Variants in TRIP12 observed in about 807,000 individuals in gnomAD.
TRIP12 encodes thyroid hormone receptor interactor 12.
Under a neutral mutation model 244.2 loss-of-function variants are expected in TRIP12, and 25 were observed. That is an observed-to-expected ratio of 0.10 (90% CI 0.07 to 0.14). The LOEUF (loss-of-function observed/expected upper bound fraction) is 0.14, where lower values mean the gene tolerates loss of function less well. Ranked by LOEUF, TRIP12 falls within the 10% of genes least tolerant of loss-of-function variation. The probability of loss-of-function intolerance (pLI) is 1.00; values close to 1 mark genes in which losing one functional copy is unlikely to be tolerated. For missense variants in TRIP12, 1,677 were observed against 2,486.4 expected (o/e 0.67, Z 6.92); for synonymous variants, 905 against 873.1 (o/e 1.04, Z -0.64).
At position 229,818,262 on chromosome 2, in the gene TRIP12, T is replaced by C; in HGVS notation, c.1599+102A>G. 8.6e-6 allele frequency: 11 copies of C among 1,276,976 alleles called. No homozygotes were observed. In the Admixed American group the frequency reaches 2.2e-4, roughly 26 times the overall value. 79.1% of individuals were successfully genotyped at this position (1,276,976 alleles called of 1,614,324 possible). A position where few individuals can be genotyped will look rare whatever the true frequency, so the allele number is the denominator to read the frequency against. On this transcript the variant is annotated intron_variant, in intron 9 of 41. Coordinates refer to ENST00000675903, the MANE Select transcript of TRIP12 (RefSeq NM_001348323.3). Reference sequence around the variant, plus strand: ...ATATACTCCTCTCTTAACTCTATCATGTTTTAAAAATTAATAATGACAATA... The same window carrying C: ...ATATACTCCTCTCTTAACTCTATCACGTTTTAAAAATTAATAATGACAATA...
chr2:229,810,112 T>A (rs1281495212), intron 15 of TRIP12, among the ~76,000 whole-genome samples: 1 of 152,176 alleles, frequency 6.6e-6, no homozygotes, highest in African/African-American at 2.4e-5. Flanking sequence ...ATAATCCTAG[T>A]ACTATGGGAG....
intron 37 of TRIP12, among the ~76,000 whole-genome samples, chr2:229,776,204 A>T (rs1465469330): frequency 6.6e-6 from 1 of 152,170 alleles, no homozygotes; most frequent in East Asian, 1.9e-4. Context: ...AGTTGTTGGG[A>T]TTAAATAAAT....
At chr2:229,828,245 C>T (rs897350625) in intron 8 of TRIP12, among the ~76,000 whole-genome samples, 2 of 151,796 alleles carry the variant, frequency 1.3e-5, no homozygotes, top group African/African-American at 4.8e-5. Flanking sequence ...TGCTAGTCTA[C>T]GGTTTATATT....
At chr2:229,887,770 A>G (rs2066365427) in intron 1 of TRIP12, among the ~76,000 whole-genome samples, 1 of 152,238 alleles carries the variant, frequency 6.6e-6, no homozygotes, top group Non-Finnish European at 1.5e-5. Flanking sequence ...GAAATGCTAC[A>G]TCAGAGGCTT....
intron 4 of TRIP12, among the ~76,000 whole-genome samples, chr2:229,841,314 T>G (rs934082204): frequency 2.0e-5 from 3 of 152,238 alleles, no homozygotes; most frequent in Non-Finnish European, 4.4e-5. Context: ...ACTGTTCTTA[T>G]ATTGTCCCAT....
At chr2:229,892,421 T>A (rs1338293224) in intron 1 of TRIP12, among the ~76,000 whole-genome samples, 1 of 152,206 alleles carries the variant, frequency 6.6e-6, no homozygotes, top group Non-Finnish European at 1.5e-5. Flanking sequence ...ACCTATGTCT[T>A]GAGTCTGTTC....
At chr2:229,796,836 T>C in intron 24 of TRIP12, 54 bp from the exon 25 acceptor site, 4 of 1,449,036 alleles carry the variant, frequency 2.8e-6, no homozygotes, top group Non-Finnish European at 3.7e-6. Context: ...ACTTAAAAAA[T>C]ACACAACTCA....
chr2:229,837,817 G>A (rs1026435606), intron 5 of TRIP12, among the ~76,000 whole-genome samples: 3 of 152,018 alleles, frequency 2.0e-5, no homozygotes, highest in Non-Finnish European at 2.9e-5. Context: ...TAACATTTGG[G>A]AAAGATATTC....
At chr2:229,877,555 T>G (rs942737153) in intron 2 of TRIP12, among the ~76,000 whole-genome samples, 1 of 152,138 alleles carries the variant, frequency 6.6e-6, no homozygotes, top group East Asian at 1.9e-4. Flanking sequence ...AAAAAAAATT[T>G]TTTAATCTAC....
chr2:229,822,952 A>T (rs367560546), intron 8 of TRIP12, among the ~76,000 whole-genome samples: 25 of 152,238 alleles, frequency 1.6e-4, no homozygotes, highest in African/African-American at 5.8e-4. Flanking sequence ...AAAAGATTGA[A>T]GACAGCAGAA....
chr2:229,830,791 C>T lies in TRIP12; in HGVS notation c.1319G>A (p.Ser440Asn), dbSNP rs1189866842. ...TCCCATCTCGGAATCATCTGATTCA[C>T]TCTCCCCAGAGGTGGTCATGCCAAC... ...GAVGMTTSGE[S>N]ESDDSEMGRL... Residue 440 changes from serine (S) to asparagine (N), a missense_variant, in exon 7 of 42, where the codon AGT (serine) becomes AAT (asparagine). By Grantham distance (46) the Ser-to-Asn change is conservative. Coordinates refer to ENST00000675903, the MANE Select transcript of TRIP12 (RefSeq NM_001348323.3). 6.2e-7 allele frequency: 1 copy of T among 1,614,144 alleles called. No homozygotes were observed. Among genetic ancestry groups the T allele is most frequent in the East Asian group, 2.2e-5 (1 of 44,870 alleles).
chr2:229,889,070 T>C (rs1009782803), intron 1 of TRIP12, among the ~76,000 whole-genome samples: 6 of 152,066 alleles, frequency 3.9e-5, no homozygotes, highest in Admixed American at 2.0e-4. Context: ...AAAGAAAAGG[T>C]TGGGAATAAA....
intron 8 of TRIP12, among the ~76,000 whole-genome samples, chr2:229,827,928 A>G (rs937674560): frequency 6.6e-6 from 1 of 152,170 alleles, no homozygotes; most frequent in East Asian, 1.9e-4. Flanking sequence ...AGGGAAGCAA[A>G]AAGACTGGAC....
Position 229,876,521 on chromosome 2 carries a change from A to G in TRIP12, c.98+3461T>C, listed in dbSNP as rs371658620. The stretch of plus-strand genomic sequence containing the variant: ...ACTGAGCATATTATTGACTGGCTTA[A>G]ACTACATGAACTACAACAAGATTTG... On this transcript the variant is annotated intron_variant, in intron 2 of 41. Coordinates refer to ENST00000675903, the MANE Select transcript of TRIP12 (RefSeq NM_001348323.3). Among the ~76,000 whole-genome samples the G allele has an allele frequency of 1.1e-4, 17 of 152,334 alleles. No individual in the cohort carries two copies. The East Asian group carries it at 1.7e-3, about 16-fold the overall frequency.
intron 5 of TRIP12, among the ~76,000 whole-genome samples, chr2:229,837,384 C>T (rs1224186048): frequency 6.6e-6 from 1 of 152,082 alleles, no homozygotes; most frequent in Non-Finnish European, 1.5e-5. Flanking sequence ...CCTGTAACCC[C>T]AGCACTTTGG....
intron 31 of TRIP12, 42 bp downstream of exon 31, chr2:229,789,569 T>C: frequency 6.3e-7 from 1 of 1,593,830 alleles, no homozygotes. Context: ...AATTTATCAA[T>C]CACAGACCAT....
chr2:229,810,915 T>G lies in TRIP12; in HGVS notation c.2186A>C (p.Asn729Thr), dbSNP rs770793335. Reference sequence around the variant, plus strand: ...AAGTTGAACAGCTAAAGTTGGACAGTTGGAACACATCAGAGAAAACATGCG... The same window carrying G: ...AAGTTGAACAGCTAAAGTTGGACAGGTGGAACACATCAGAGAAAACATGCG... ...VVRMFSLMCS[N>T]CPTLAVQLMK... Residue 729 changes from asparagine to threonine, a missense_variant, in exon 15 of 42, where the codon AAC becomes ACC. Asn to Thr is a moderately conservative substitution (Grantham distance 65). This residue lies in a region of TRIP12 where 572 missense variants were observed against 867.8 expected (regional missense o/e 0.66). Transcript: ENST00000675903. 3 of 1,614,052 alleles carry G rather than the reference T, an allele frequency of 1.9e-6. No homozygotes were observed. The highest frequency in any genetic ancestry group is 2.5e-6 in the Non-Finnish European group (3 of 1,179,964).
intron 1 of TRIP12, among the ~76,000 whole-genome samples, chr2:229,891,664 T>C (rs1176776854): frequency 6.6e-6 from 1 of 152,162 alleles, no homozygotes; most frequent in African/African-American, 2.4e-5. Flanking sequence ...AATAACTATT[T>C]TTCTAGTATC....
chr2:229,847,987 T>C (rs1189922584), intron 4 of TRIP12, among the ~76,000 whole-genome samples: 1 of 152,202 alleles, frequency 6.6e-6, no homozygotes, highest in East Asian at 1.9e-4. Flanking sequence ...CCTCCATCTG[T>C]GGCCTCTTCT....
Sources: gnomAD v4.1 joint callset for allele counts (sites outside exome capture counted in the v4.1 genomes callset) on GRCh38, gnomAD v4.1.1 for gene constraint, gnomAD v4.1.1 regional missense constraint, MANE v1.5 for transcripts, NCBI Gene and HGNC (gene_info 2026-07-23, HGNC 2026-07-21) for gene names.